UBR3: variants seen among roughly 807,000 people sequenced by gnomAD.
UBR3 encodes the protein ubiquitin protein ligase E3 component n-recognin 3, also known as E3 ubiquitin-protein ligase UBR3.
In UBR3, 85 loss-of-function variants were observed where a neutral mutation model predicts 243.2. That is an observed-to-expected ratio of 0.35 (90% confidence interval 0.29 to 0.42). UBR3 has a LOEUF of 0.42. Among genes scored for constraint, UBR3 ranks in the 10% least tolerant of loss-of-function variants. The probability of loss-of-function intolerance (pLI) is 1.00; values close to 1 mark genes in which losing one functional copy is unlikely to be tolerated. For synonymous variants in UBR3, 748 were observed against 799.8 expected (o/e 0.94, Z 1.09); for missense variants, 1,686 against 2,300.8 (o/e 0.73, Z 5.47).
chr2:169,968,405 G>T (rs1574305885), intron 24 of UBR3, among the ~76,000 whole-genome samples: 1 of 152,138 alleles, frequency 6.6e-6, no homozygotes, highest in Non-Finnish European at 1.5e-5. Context: ...ACTTTCACAG[G>T]ATTCACTTTT....
chr2:169,857,770 T>A (rs2082940816), intron 1 of UBR3, among the ~76,000 whole-genome samples: 1 of 151,268 alleles, frequency 6.6e-6, no homozygotes. Flanking sequence ...TGAGGCAAGA[T>A]TTCACTGTTT....
chr2:169,845,111 T>C (rs989112141), intron 1 of UBR3, among the ~76,000 whole-genome samples: 1 of 152,160 alleles, frequency 6.6e-6, no homozygotes, highest in African/African-American at 2.4e-5. Flanking sequence ...CTTTAGCCAA[T>C]GGGTCATTTA....
chr2:170,019,448 C>G (rs1041582545), intron 30 of UBR3, among the ~76,000 whole-genome samples: 1 of 152,080 alleles, frequency 6.6e-6, no homozygotes, highest in Non-Finnish European at 1.5e-5. Context: ...TTTTGGGAAG[C>G]TGAGGTTGGG....
intron 29 of UBR3, among the ~76,000 whole-genome samples, chr2:170,012,111 C>A (rs566771106): frequency 6.6e-6 from 1 of 152,244 alleles, no homozygotes; most frequent in Admixed American, 6.5e-5. Context: ...AATGTACCTT[C>A]ATAGGTTACT....
At chr2:170,060,035 C>A (rs1005817939) in intron 33 of UBR3, among the ~76,000 whole-genome samples, 1 of 152,050 alleles carries the variant, frequency 6.6e-6, no homozygotes, top group Non-Finnish European at 1.5e-5. Flanking sequence ...ATAGAAAGAC[C>A]AAATATCATC....
rs144784587 is a variant in UBR3 at position 170,081,727 on chromosome 2, C to T, written c.5551C>T (p.Arg1851Ter). Reference sequence around the variant, plus strand: ...ACTTTTTTTTTCTTTTTGTTCTAGGCGAGGCAAACCTCTCTACATTTGTAA... The same window carrying T: ...ACTTTTTTTTTCTTTTTGTTCTAGGTGAGGCAAACCTCTCTACATTTGTAA... ...AHGEEDRDLRRGKPLYICKER... is the reference protein window; with the variant it reads ...AHGEEDRDLR Residue 1851 changes from arginine to a stop codon, truncating the protein, a stop_gained and splice_region_variant, in exon 39 of 39, where the codon CGA (arginine) becomes TGA (stop). Transcript: ENST00000272793. LOFTEE classifies it high-confidence loss of function. The T allele has an allele frequency of 3.1e-6, 5 of 1,588,470 alleles. No individual in the cohort carries two copies. Among genetic ancestry groups the T allele is most frequent in the Admixed American group, 3.6e-5 (2 of 55,372 alleles).
Position 170,001,366 on chromosome 2 carries a change from T to G in UBR3, c.3981T>G (p.Gly1327=). The G allele has an allele frequency of 6.2e-7, 1 of 1,613,880 alleles. No homozygotes were observed. Among genetic ancestry groups the G allele is most frequent in the Non-Finnish European group, 8.5e-7 (1 of 1,179,874 alleles). ...WEGGVYVQTC[G]HTLHIDCHKS... is the part of the protein sequence containing the mutation. Reference sequence around the variant, plus strand: ...GAGGTGTTTATGTACAAACCTGTGGTCACACATTACATATAGATTGTCATA... The same window carrying G: ...GAGGTGTTTATGTACAAACCTGTGGGCACACATTACATATAGATTGTCATA... The change falls in exon 27 of 39, where the codon GGT becomes GGG. Residue 1327 remains glycine, a synonymous_variant. Coordinates refer to ENST00000272793, the MANE Select transcript of UBR3 (RefSeq NM_172070.4).
chr2:169,940,547 C>T (rs1161216118), intron 19 of UBR3, among the ~76,000 whole-genome samples: 3 of 152,062 alleles, frequency 2.0e-5, no homozygotes, highest in Non-Finnish European at 4.4e-5. Flanking sequence ...ATATTCTAAG[C>T]GCTGTTAAAA....
intron 18 of UBR3, among the ~76,000 whole-genome samples, chr2:169,932,525 A>G (rs1450175574): frequency 2.6e-5 from 4 of 152,144 alleles, no homozygotes; most frequent in Admixed American, 6.5e-5. Flanking sequence ...AAGCCTCCCA[A>G]GTAGTTGGGA....
chr2:169,942,167 A>G (rs912031971), intron 19 of UBR3, among the ~76,000 whole-genome samples: 1 of 152,126 alleles, frequency 6.6e-6, no homozygotes, highest in African/African-American at 2.4e-5. Flanking sequence ...CAGGTCGTCT[A>G]TTTTGCTTAA....
At chr2:170,039,453 T>C (rs770913654) in intron 31 of UBR3, among the ~76,000 whole-genome samples, 4 of 152,072 alleles carry the variant, frequency 2.6e-5, no homozygotes, top group Admixed American at 6.6e-5. Context: ...TCAGGATTCA[T>C]AGCATTAATG....
intron 1 of UBR3, among the ~76,000 whole-genome samples, chr2:169,829,840 C>T (rs991793276): frequency 8.1e-6 from 1 of 123,840 alleles, no homozygotes; most frequent in Non-Finnish European, 1.9e-5. Context: ...CACACACACA[C>T]ACACACACAC....
chr2:169,980,369 T>C (rs1056982239), intron 24 of UBR3, among the ~76,000 whole-genome samples: 3 of 152,190 alleles, frequency 2.0e-5, no homozygotes, highest in African/African-American at 7.2e-5. Flanking sequence ...CATGAGTTAG[T>C]GTACAGACAC....
chr2:169,855,562 A>C (rs11904098), intron 1 of UBR3, among the ~76,000 whole-genome samples: 63,480 of 151,170 alleles, frequency 0.42, 14,842 homozygotes, highest in Non-Finnish European at 0.54. Flanking sequence ...CTTAACGAGC[A>C]TGCTGCCTTT....
At chr2:170,022,140 C>T (rs778357122) in intron 30 of UBR3, among the ~76,000 whole-genome samples, 2 of 152,170 alleles carry the variant, frequency 1.3e-5, no homozygotes, top group Non-Finnish European at 2.9e-5. Flanking sequence ...TGTCCTCTCC[C>T]TGTCTCTTAT....
intron 1 of UBR3, among the ~76,000 whole-genome samples, chr2:169,859,447 G>A (rs963928434): frequency 6.6e-6 from 1 of 151,988 alleles, no homozygotes; most frequent in African/African-American, 2.4e-5. Flanking sequence ...AGTTTTTAAC[G>A]AATTTGGAAG....
intron 24 of UBR3, among the ~76,000 whole-genome samples, chr2:169,980,276 G>C (rs2088657971): frequency 6.6e-6 from 1 of 152,136 alleles, no homozygotes; most frequent in South Asian, 2.1e-4. Context: ...GATTAGAGTT[G>C]GAGACATTAG....
At chr2:169,846,198 G>A (rs930117818) in intron 1 of UBR3, among the ~76,000 whole-genome samples, 3 of 152,090 alleles carry the variant, frequency 2.0e-5, no homozygotes, top group Non-Finnish European at 4.4e-5. Flanking sequence ...CTATTTCCTT[G>A]AAGTTGTCAA....
At chr2:169,863,528 G>T (rs2083157672) in intron 1 of UBR3, among the ~76,000 whole-genome samples, 1 of 152,062 alleles carries the variant, frequency 6.6e-6, no homozygotes, top group South Asian at 2.1e-4. Context: ...AAATCTATTG[G>T]GTTCCTTGAA....
Sources: gnomAD v4.1 joint callset for allele counts (sites outside exome capture counted in the v4.1 genomes callset) on GRCh38, gnomAD v4.1.1 for gene constraint, MANE v1.5 for transcripts, NCBI Gene and HGNC (gene_info 2026-07-23, HGNC 2026-07-21) for gene names.